CACNB2: variants seen among roughly 807,000 people sequenced by gnomAD.
CACNB2 encodes voltage-dependent L-type calcium channel subunit beta-2.
A neutral mutation model predicts 73.3 loss-of-function variants in CACNB2; 42 were observed. That is an observed-to-expected ratio of 0.57 (90% confidence interval 0.45 to 0.74). CACNB2 has a LOEUF of 0.74. Ranked by LOEUF, CACNB2 falls within the 30% of genes least tolerant of loss-of-function variation. The pLI is 0.00. For synonymous variants in CACNB2, 348 were observed against 310.3 expected (o/e 1.12, Z -1.28); for missense variants, 940 against 853.0 (o/e 1.10, Z -1.27).
chr10:18,257,898 C>T (rs576782343), intron 2 of CACNB2, among the ~76,000 whole-genome samples: 1 of 152,296 alleles, frequency 6.6e-6, no homozygotes, highest in East Asian at 1.9e-4. Flanking sequence ...CATGTGCCAC[C>T]CTGCCCAGCA....
chr10:18,197,549 C>G (rs1416855198), intron 2 of CACNB2, among the ~76,000 whole-genome samples: 12 of 152,152 alleles, frequency 7.9e-5, no homozygotes, highest in African/African-American at 2.9e-4. Flanking sequence ...GATTTCAGAT[C>G]CTCATATTAG....
At chr10:18,272,747 C>T (rs931158574) in intron 2 of CACNB2, among the ~76,000 whole-genome samples, 3 of 152,310 alleles carry the variant, frequency 2.0e-5, no homozygotes, top group African/African-American at 7.2e-5. Context: ...CCTTTGCCTT[C>T]GGCCGTTGAT....
intron 2 of CACNB2, among the ~76,000 whole-genome samples, chr10:18,343,833 G>A (rs74117955): frequency 0.045 from 6,902 of 152,196 alleles, 218 homozygotes; most frequent in African/African-American, 0.076. Context: ...AAATACAAAC[G>A]CTCTAAAACT....
At position 18,416,003 on chromosome 10, in the gene CACNB2, C is replaced by G. The variant is rs117667929; in HGVS notation, c.333+13960C>G. Among the ~76,000 whole-genome samples, 405 of 152,160 alleles carry G rather than the reference C, an allele frequency of 2.7e-3. 13 individuals are homozygous for G. In the East Asian group the frequency reaches 0.061, roughly 23 times the overall value. On this transcript the variant is annotated intron_variant, in intron 3 of 13. Transcript: ENST00000324631. ...TTACAGGTATATAATGCATAATGAT[C>G]AAGTCAGGGGACTCAGAGTGTCCGT...
At chr10:18,401,081 T>C (rs2043971806) in intron 2 of CACNB2, 2 of 1,614,202 alleles carry the variant, frequency 1.2e-6, no homozygotes, top group African/African-American at 1.3e-5. Context: ...GGAGGAAGGC[T>C]GAAGAATTCT....
chr10:18,381,283 C>T (rs1456196856), intron 2 of CACNB2, among the ~76,000 whole-genome samples: 1 of 151,146 alleles, frequency 6.6e-6, no homozygotes, highest in Admixed American at 6.6e-5. Flanking sequence ...CCAAGGCCTC[C>T]CAAATGTATG....
intron 2 of CACNB2, among the ~76,000 whole-genome samples, chr10:18,271,232 T>C (rs886319268): frequency 6.6e-6 from 1 of 152,238 alleles, no homozygotes; most frequent in African/African-American, 2.4e-5. Context: ...AATCATTTCC[T>C]CTTTTGGCCT....
intron 2 of CACNB2, among the ~76,000 whole-genome samples, chr10:18,307,173 A>G (rs781497632): frequency 6.6e-6 from 1 of 152,166 alleles, no homozygotes; most frequent in Admixed American, 6.5e-5. Context: ...AATAAATGCC[A>G]TTCTTTTAGG....
chr10:18,140,651 C>T lies in CACNB2; in HGVS notation c.-86C>T. On this transcript the variant is annotated 5_prime_UTR_variant, in exon 1 of 14. Coordinates refer to ENST00000324631, the MANE Select transcript of CACNB2 (RefSeq NM_201596.3). Reference sequence around the variant, plus strand: ...CTGAGCCCTGGGCGGCCCCCAGAGCCGATCAGAGCGCGGGGAGGCGGGGGC... The same window carrying T: ...CTGAGCCCTGGGCGGCCCCCAGAGCTGATCAGAGCGCGGGGAGGCGGGGGC... 8.1e-7 allele frequency: 1 copy of T among 1,240,570 alleles called. No homozygotes were observed. Among genetic ancestry groups the T allele is most frequent in the South Asian group, 1.3e-5 (1 of 75,830 alleles). The allele number at this position is 1,240,570 out of a possible 1,614,324, so 76.8% of individuals were successfully genotyped here. A position where few individuals can be genotyped will look rare whatever the true frequency, so the allele number is the denominator to read the frequency against.
chr10:18,358,503 T>G (rs949644646), intron 2 of CACNB2, among the ~76,000 whole-genome samples: 9 of 37,320 alleles, frequency 2.4e-4, no homozygotes, highest in South Asian at 1.8e-3. Context: ...GCACGCTCTC[T>G]CTCTCTCTCT....
intron 2 of CACNB2, among the ~76,000 whole-genome samples, chr10:18,326,049 T>C (rs532568259): frequency 4.2e-4 from 64 of 152,276 alleles, no homozygotes; most frequent in African/African-American, 1.5e-3. Context: ...ACCTATTTTT[T>C]CTTCATGTTG....
chr10:18,346,432 C>T (rs1028255393), intron 2 of CACNB2, among the ~76,000 whole-genome samples: 3 of 152,060 alleles, frequency 2.0e-5, no homozygotes, highest in African/African-American at 7.2e-5. Flanking sequence ...GCCACTGCAC[C>T]CGGCCAGAAC....
chr10:18,418,359 G>A (rs1219882504), intron 3 of CACNB2, among the ~76,000 whole-genome samples: 5 of 152,160 alleles, frequency 3.3e-5, no homozygotes, highest in African/African-American at 1.2e-4. Flanking sequence ...AAAATGAATC[G>A]CACAATCCGC....
intron 3 of CACNB2, among the ~76,000 whole-genome samples, chr10:18,497,915 G>T (rs2049935046): frequency 6.6e-6 from 1 of 152,172 alleles, no homozygotes; most frequent in African/African-American, 2.4e-5. Context: ...TTCAATGATT[G>T]TACCTTTCGG....
chr10:18,209,595 G>A (rs1490594002), intron 2 of CACNB2, among the ~76,000 whole-genome samples: 1 of 152,070 alleles, frequency 6.6e-6, no homozygotes, highest in African/African-American at 2.4e-5. Context: ...AATTAAATAT[G>A]TGTTGCTGGT....
At chr10:18,471,543 A>G (rs934980455) in intron 3 of CACNB2, among the ~76,000 whole-genome samples, 2 of 152,192 alleles carry the variant, frequency 1.3e-5, no homozygotes, top group Non-Finnish European at 2.9e-5. Flanking sequence ...GAAACTGCCC[A>G]TGGTTTACGC....
At chr10:18,165,719 A>G (rs1030686462) in intron 2 of CACNB2, among the ~76,000 whole-genome samples, 2 of 152,212 alleles carry the variant, frequency 1.3e-5, no homozygotes, top group African/African-American at 2.4e-5. Context: ...CCTTATTTAC[A>G]TATACCAATT....
chr10:18,501,608 C>T (rs2050197497), intron 5 of CACNB2, among the ~76,000 whole-genome samples: 1 of 152,238 alleles, frequency 6.6e-6, no homozygotes, highest in South Asian at 2.1e-4. Context: ...TCCATGGAAT[C>T]GTATGCAGAC....
At chr10:18,502,554 G>T (rs970748037) in intron 5 of CACNB2, among the ~76,000 whole-genome samples, 2 of 151,412 alleles carry the variant, frequency 1.3e-5, no homozygotes, top group Admixed American at 1.3e-4. Flanking sequence ...AGCTGGGTAT[G>T]GTGGTGTGTG....
Sources: allele counts gnomAD v4.1 joint callset (sites outside exome capture counted in the v4.1 genomes callset), GRCh38; gene constraint gnomAD v4.1.1; transcripts MANE v1.5; gene names NCBI Gene and HGNC (gene_info 2026-07-23, HGNC 2026-07-21).